The following SUGCT variants were observed in gnomAD, a reference collection of about 807,000 sequenced individuals.
The protein encoded by SUGCT is succinyl-CoA:glutarate CoA-transferase.
Under a neutral mutation model 55.0 loss-of-function variants are expected in SUGCT, and 41 were observed. The observed-to-expected ratio is 0.74, with a 90% CI of 0.58 to 0.97. SUGCT has a LOEUF of 0.97. Among genes scored for constraint, SUGCT ranks in the 50% least tolerant of loss-of-function variants. SUGCT has a pLI of 0.00. For synonymous variants in SUGCT, 187 were observed against 200.4 expected, an observed-to-expected ratio of 0.93 and a Z score of 0.56; for missense variants, 568 against 547.8, an observed-to-expected ratio of 1.04 and a Z score of -0.37.
At chr7:40,194,430 T>A (rs1786123307) in intron 5 of SUGCT, among the ~76,000 whole-genome samples, 1 of 151,986 alleles carries the variant, frequency 6.6e-6, no homozygotes, top group Non-Finnish European at 1.5e-5. Context: ...CTGGCTAATT[T>A]TTGTAGAGAT....
At chr7:41,026,647 C>T in the SUGCT span, among the ~76,000 whole-genome samples, 4 of 152,122 alleles carry the variant, frequency 2.6e-5, no homozygotes, top group Non-Finnish European at 4.4e-5. Context: ...ATTAACATGC[C>T]CATCTACGTG....
At chr7:41,002,966 G>T in the SUGCT span, among the ~76,000 whole-genome samples, 2 of 151,868 alleles carry the variant, frequency 1.3e-5, no homozygotes, top group African/African-American at 2.4e-5. Context: ...CCCATAGGAG[G>T]CATTCAATGA....
chr7:40,795,812 A>G (rs1584453860), intron 13 of SUGCT, among the ~76,000 whole-genome samples: 1 of 152,176 alleles, frequency 6.6e-6, no homozygotes, highest in African/African-American at 2.4e-5. Flanking sequence ...AAAATGGACT[A>G]TGGGAACTTG....
At chr7:40,927,145 A>T in the SUGCT span, among the ~76,000 whole-genome samples, 1 of 152,376 alleles carries the variant, frequency 6.6e-6, no homozygotes, top group Admixed American at 6.5e-5. Context: ...CCAATCTCAC[A>T]TAGTCTAAGA....
rs900387949 is a variant in SUGCT at position 40,288,484 on chromosome 7, G to GT, written c.720+13837dup. On this transcript the variant is annotated intron_variant, in intron 8 of 13. Transcript: ENST00000335693. ...CTTGCCGGTCTTATTAAAATTCAGG[G>GT]TTTTTTTTTCTTGGATAAAAACTCA... is the stretch of plus-strand genomic sequence containing the variant. 4.5e-4 allele frequency among the ~76,000 whole-genome samples: 68 copies of GT among 150,936 alleles called. 1 individual carries two copies. The highest frequency in any genetic ancestry group is 3.4e-3 in the Middle Eastern group (1 of 294).
chr7:40,157,900 C>T (rs67410648), intron 1 of SUGCT, among the ~76,000 whole-genome samples: 32,623 of 152,120 alleles, frequency 0.21, 4,074 homozygotes, highest in Non-Finnish European at 0.27. Context: ...TCAAATTCTA[C>T]TGCTTCATTA....
At position 40,139,163 on chromosome 7, in the gene SUGCT, T is replaced by TC. The variant is rs1458196932; in HGVS notation, c.100+4043_100+4044insC. On this transcript the variant is annotated intron_variant, in intron 1 of 13. Coordinates refer to ENST00000335693, the MANE Select transcript of SUGCT (RefSeq NM_001193313.2). Reference sequence around the variant, plus strand: ...ATAAATAAATAAATAAATAAATAAATAAATAAATAAATAAATCCAGGATTC... The same window carrying TC: ...ATAAATAAATAAATAAATAAATAAATCAAATAAATAAATAAATCCAGGATTC... Among the ~76,000 whole-genome samples the TC allele has an allele frequency of 1.0e-3, 157 of 151,508 alleles. 1 individual carries two copies. Among genetic ancestry groups the TC allele is most frequent in the African/African-American group, 3.6e-3 (148 of 41,344 alleles).
intron 9 of SUGCT, among the ~76,000 whole-genome samples, chr7:40,321,149 C>A (rs1049095218): frequency 1.1e-4 from 16 of 143,412 alleles, no homozygotes; most frequent in Admixed American, 1.1e-3. Flanking sequence ...GATCTCGGCT[C>A]ACTGCAACCT....
At chr7:40,527,097 A>T (rs1201064679) in intron 12 of SUGCT, among the ~76,000 whole-genome samples, 1 of 152,202 alleles carries the variant, frequency 6.6e-6, no homozygotes, top group East Asian at 1.9e-4. Flanking sequence ...TATCTTTGTA[A>T]TGAAAGTTTA....
chr7:40,211,463 C>A (rs1787331851), intron 6 of SUGCT, among the ~76,000 whole-genome samples: 1 of 152,224 alleles, frequency 6.6e-6, no homozygotes, highest in South Asian at 2.1e-4. Context: ...GATCTCCCTG[C>A]CTTGGCCTCC....
chr7:40,685,524 T>C (rs1485771422), intron 12 of SUGCT, among the ~76,000 whole-genome samples: 1 of 152,206 alleles, frequency 6.6e-6, no homozygotes, highest in Non-Finnish European at 1.5e-5. Context: ...TCTTTATCTT[T>C]GATTGGTAAT....
chr7:40,446,137 T>G (rs892058904), intron 9 of SUGCT, among the ~76,000 whole-genome samples: 1 of 152,082 alleles, frequency 6.6e-6, no homozygotes, highest in East Asian at 1.9e-4. Flanking sequence ...TTTTAAACTT[T>G]TATATTGATA....
chr7:40,735,908 A>G (rs1787129998), intron 12 of SUGCT, among the ~76,000 whole-genome samples: 1 of 152,068 alleles, frequency 6.6e-6, no homozygotes, highest in Admixed American at 6.6e-5. Flanking sequence ...CACCAAACAG[A>G]AAATTAAGTT....
intron 12 of SUGCT, among the ~76,000 whole-genome samples, chr7:40,532,013 C>T (rs1421338148): frequency 6.6e-6 from 1 of 152,186 alleles, no homozygotes; most frequent in East Asian, 1.9e-4. Context: ...GTTTCTGCCA[C>T]ATGTATAGGC....
chr7:40,763,730 G>T (rs552768485), intron 13 of SUGCT, among the ~76,000 whole-genome samples: 2 of 152,294 alleles, frequency 1.3e-5, no homozygotes, highest in Admixed American at 1.3e-4. Flanking sequence ...CCAGATCTCA[G>T]AAACAGCATC....
At chr7:40,825,292 A>G (rs1302991552) in intron 13 of SUGCT, among the ~76,000 whole-genome samples, 2 of 152,206 alleles carry the variant, frequency 1.3e-5, no homozygotes, top group East Asian at 3.8e-4. Context: ...TCTGTGACAC[A>G]TGGTAGTACT....
the SUGCT span, among the ~76,000 whole-genome samples, chr7:40,949,648 G>T: frequency 6.6e-6 from 1 of 152,142 alleles, no homozygotes; most frequent in Non-Finnish European, 1.5e-5. Context: ...GTAAGGAAGG[G>T]ATCCAGTTTC....
At chr7:40,611,803 A>C (rs552244747) in intron 12 of SUGCT, among the ~76,000 whole-genome samples, 1 of 152,280 alleles carries the variant, frequency 6.6e-6, no homozygotes, top group East Asian at 1.9e-4. Context: ...CTCATTTTAT[A>C]GGTAAAGAAA....
intron 7 of SUGCT, among the ~76,000 whole-genome samples, chr7:40,270,964 T>G (rs1348264927): frequency 6.6e-6 from 1 of 152,136 alleles, no homozygotes; most frequent in Non-Finnish European, 1.5e-5. Context: ...TATTATAAAT[T>G]GAATTACTTT....
Sources: gnomAD v4.1 joint callset for allele counts (sites outside exome capture counted in the v4.1 genomes callset) on GRCh38, gnomAD v4.1.1 for gene constraint, MANE v1.5 for transcripts, NCBI Gene and HGNC (gene_info 2026-07-23, HGNC 2026-07-21) for gene names.